SLCO3A1: variants seen among roughly 807,000 people sequenced by gnomAD.
SLCO3A1 encodes solute carrier organic anion transporter family member 3A1.
Under a neutral mutation model 63.1 loss-of-function variants are expected in SLCO3A1, and 27 were observed. The observed-to-expected ratio is 0.43, with a 90% CI of 0.32 to 0.59. SLCO3A1 has a LOEUF of 0.59. Among genes scored for constraint, SLCO3A1 ranks in the 20% least tolerant of loss-of-function variants. The pLI, the probability that SLCO3A1 is intolerant of heterozygous loss-of-function variation, is 0.09. For synonymous variants in SLCO3A1, 473 were observed against 409.9 expected (o/e 1.15, Z -1.86); for missense variants, 773 against 945.8 (o/e 0.82, Z 2.40).
At chr15:92,091,437 C>A (rs1042136442) in intron 2 of SLCO3A1, among the ~76,000 whole-genome samples, 2 of 152,198 alleles carry the variant, frequency 1.3e-5, no homozygotes, top group Non-Finnish European at 2.9e-5. Context: ...GCAGAACATT[C>A]GAGCTGGCTT....
chr15:92,021,459 G>A (rs188040162), intron 2 of SLCO3A1, among the ~76,000 whole-genome samples: 7 of 152,202 alleles, frequency 4.6e-5, no homozygotes, highest in Admixed American at 2.0e-4. Context: ...AATTTATTTT[G>A]CTTTCTGTCT....
At chr15:92,159,277 G>C (rs1314845914) in intron 9 of SLCO3A1, among the ~76,000 whole-genome samples, 3 of 152,132 alleles carry the variant, frequency 2.0e-5, no homozygotes, top group African/African-American at 7.2e-5. Flanking sequence ...ACAAGGTCAA[G>C]AGATCGAGAC....
At chr15:92,077,319 T>C (rs778411128) in intron 2 of SLCO3A1, among the ~76,000 whole-genome samples, 18 of 152,162 alleles carry the variant, frequency 1.2e-4, no homozygotes, top group Non-Finnish European at 2.5e-4. Flanking sequence ...CAGGCCTCCC[T>C]TCCCTTCTTG....
At chr15:91,931,234 C>G (rs1488854440) in intron 2 of SLCO3A1, among the ~76,000 whole-genome samples, 1 of 152,156 alleles carries the variant, frequency 6.6e-6, no homozygotes, top group Non-Finnish European at 1.5e-5. Context: ...AAATGCTGCT[C>G]CCTGATGCGA....
At chr15:91,998,346 C>G (rs745767566) in intron 2 of SLCO3A1, among the ~76,000 whole-genome samples, 32 of 151,958 alleles carry the variant, frequency 2.1e-4, no homozygotes, top group Non-Finnish European at 3.4e-4. Context: ...CCCAGCTACT[C>G]AGGAGGCTGA....
intron 1 of SLCO3A1, among the ~76,000 whole-genome samples, chr15:91,884,558 G>A (rs1229170455): frequency 1.3e-5 from 2 of 149,958 alleles, no homozygotes; most frequent in African/African-American, 4.9e-5. Flanking sequence ...TGACTTCAGA[G>A]CCTTTTTCTA....
intron 1 of SLCO3A1, among the ~76,000 whole-genome samples, chr15:91,880,098 T>TATCCGTCCGTCCGTCCGTCC (rs1555446359): frequency 2.5e-4 from 24 of 97,824 alleles, no homozygotes; most frequent in African/African-American, 6.1e-4. Context: ...CTTGTATGTG[T>TATCCGTCCGTCCGTCCGTCC]GTCCGTCCGT....
chr15:92,168,276 G>T (rs927011516), downstream of SLCO3A1, among the ~76,000 whole-genome samples: 3 of 152,248 alleles, frequency 2.0e-5, no homozygotes. Flanking sequence ...AGAGCAGTGG[G>T]TGACTTTTGG....
In SLCO3A1 at chr15:91,854,972, A is replaced by G. The variant is rs775613708; in HGVS notation, c.180+884A>G. Among the ~76,000 whole-genome samples, 1 of 152,168 alleles carries G rather than the reference A, an allele frequency of 6.6e-6. No homozygotes were observed. The highest frequency in any genetic ancestry group is 1.5e-5 in the Non-Finnish European group (1 of 68,024). On this transcript the variant is annotated intron_variant, in intron 1 of 9. Coordinates refer to ENST00000318445, the MANE Select transcript of SLCO3A1 (RefSeq NM_013272.4). This position sits in a 1 kb window ranked among gnomAD's most constrained non-coding sequence, Gnocchi z 6.4. ...CGCCTCCTCTGCTCAGGTGGTCGCA[A>G]CTTGAGTTCCAGAGAGCGTGCTTCC...
chr15:91,871,078 C>T (rs1020719812), intron 1 of SLCO3A1, among the ~76,000 whole-genome samples: 20 of 152,142 alleles, frequency 1.3e-4, no homozygotes, highest in Admixed American at 1.1e-3. Context: ...ATAACCATGC[C>T]TTGTGGTTTT....
intron 1 of SLCO3A1, among the ~76,000 whole-genome samples, chr15:91,887,883 C>A (rs1256018139): frequency 3.3e-5 from 5 of 152,126 alleles, no homozygotes; most frequent in Non-Finnish European, 7.3e-5. Context: ...ACAGTTTGTG[C>A]CAGGATTTAA....
At chr15:92,157,641 G>A (rs972530196) in intron 9 of SLCO3A1, among the ~76,000 whole-genome samples, 3 of 152,074 alleles carry the variant, frequency 2.0e-5, no homozygotes, top group African/African-American at 7.2e-5. Context: ...ATTCTTGCCA[G>A]TGGGGGTTAT....
At chr15:92,019,822 A>T (rs868375573) in intron 2 of SLCO3A1, among the ~76,000 whole-genome samples, 3 of 152,162 alleles carry the variant, frequency 2.0e-5, no homozygotes, top group African/African-American at 7.2e-5. Context: ...GCTCCTTTCT[A>T]CTTGGGTGCC....
chr15:92,009,179 T>C (rs2046343748), intron 2 of SLCO3A1, among the ~76,000 whole-genome samples: 1 of 152,190 alleles, frequency 6.6e-6, no homozygotes, highest in African/African-American at 2.4e-5. Flanking sequence ...AGCCGTCCCC[T>C]GAGTTACAGT....
At chr15:92,035,343 T>C (rs2046711855) in intron 2 of SLCO3A1, among the ~76,000 whole-genome samples, 1 of 151,800 alleles carries the variant, frequency 6.6e-6, no homozygotes, top group South Asian at 2.1e-4. Flanking sequence ...TTTTCCTTCG[T>C]CCAAACTGTG....
chr15:91,981,150 G>GT (rs1166469762), intron 2 of SLCO3A1, among the ~76,000 whole-genome samples: 4 of 152,134 alleles, frequency 2.6e-5, no homozygotes, highest in Non-Finnish European at 5.9e-5. Flanking sequence ...CAGGGCAGTG[G>GT]CCAGGCTGGG....
At chr15:92,006,599 C>A (rs2046315601) in intron 2 of SLCO3A1, among the ~76,000 whole-genome samples, 1 of 152,066 alleles carries the variant, frequency 6.6e-6, no homozygotes, top group Non-Finnish European at 1.5e-5. Flanking sequence ...CTCCTTGTGT[C>A]TTTAAGATGA....
chr15:92,083,762 T>G (rs1206853509), intron 2 of SLCO3A1, among the ~76,000 whole-genome samples: 1 of 152,228 alleles, frequency 6.6e-6, no homozygotes, highest in Non-Finnish European at 1.5e-5. Flanking sequence ...TGCTGTCATC[T>G]TTGTAATAAT....
At chr15:92,097,978 A>G (rs2047560248) in intron 3 of SLCO3A1, 2 of 152,224 alleles carry the variant, frequency 1.3e-5, no homozygotes, top group Admixed American at 6.5e-5. Context: ...GGGCTGTCCA[A>G]TGTATGGGAA....
Sources: allele counts gnomAD v4.1 joint callset (sites outside exome capture counted in the v4.1 genomes callset), GRCh38; gene constraint gnomAD v4.1.1; non-coding constraint Gnocchi (gnomAD v3.1); transcripts MANE v1.5; gene names NCBI Gene and HGNC (gene_info 2026-07-23, HGNC 2026-07-21).